RYR2: variants seen among roughly 807,000 people sequenced by gnomAD.
RYR2 encodes cardiac muscle ryanodine receptor-calcium release channel.
RYR2 carries 227 observed loss-of-function variants against 601.1 expected under a neutral mutation model. The observed-to-expected ratio is 0.38, with a 90% CI of 0.34 to 0.42. The LOEUF is 0.42. Ranked by LOEUF, RYR2 falls within the 10% of genes least tolerant of loss-of-function variation. RYR2 has a pLI of 1.00. For missense variants in RYR2, 4,646 were observed against 6,156.5 expected (o/e 0.75, Z 8.21); for synonymous variants, 2,223 against 2,175.1 (o/e 1.02, Z -0.61).
intron 10 of RYR2, among the ~76,000 whole-genome samples, chr1:237,416,294 A>G (rs1704973164): frequency 6.6e-6 from 1 of 152,182 alleles, no homozygotes; most frequent in Non-Finnish European, 1.5e-5. Flanking sequence ...GACCCTATAG[A>G]GAGGAAGACA....
intron 19 of RYR2, 41 bp from the exon 20 acceptor site, chr1:237,496,470 T>A: frequency 6.3e-7 from 1 of 1,597,654 alleles, no homozygotes. Flanking sequence ...ATGAAAGGTT[T>A]TTTTGGACTT....
intron 100 of RYR2, among the ~76,000 whole-genome samples, chr1:237,815,781 G>A (rs1014149803): frequency 4.6e-5 from 7 of 152,082 alleles, no homozygotes; most frequent in African/African-American, 1.4e-4. Flanking sequence ...CATTCTTTTG[G>A]GGACAGACTC....
At chr1:237,580,304 CA>C (rs2148363818) in intron 29 of RYR2, among the ~76,000 whole-genome samples, 1 of 151,726 alleles carries the variant, frequency 6.6e-6, no homozygotes, top group Non-Finnish European at 1.5e-5. Context: ...TACAGGCACA[CA>C]CCACGACGCC....
chr1:237,759,707 G>C, intron 82 of RYR2, 69 bp from the exon 83 acceptor site: 1 of 930,260 alleles, frequency 1.1e-6, no homozygotes. Flanking sequence ...GCCTGTTTTG[G>C]TTGTTTATTT....
chr1:237,818,577 G>A (rs959072126), intron 100 of RYR2, among the ~76,000 whole-genome samples: 1 of 152,028 alleles, frequency 6.6e-6, no homozygotes, highest in Non-Finnish European at 1.5e-5. Flanking sequence ...TATATACTAT[G>A]TGAGGGAAGG....
intron 71 of RYR2, among the ~76,000 whole-genome samples, chr1:237,715,880 TC>T (rs1689227289): frequency 6.6e-6 from 1 of 152,298 alleles, no homozygotes; most frequent in African/African-American, 2.4e-5. Flanking sequence ...AGTTATGTTG[TC>T]CTTTGAACAA....
At chr1:237,520,303 C>T (rs1164369448) in intron 24 of RYR2, among the ~76,000 whole-genome samples, 1 of 152,080 alleles carries the variant, frequency 6.6e-6, no homozygotes, top group African/African-American at 2.4e-5. Context: ...TATTTCTTTC[C>T]ATTGCCTAAT....
At chr1:237,656,115 C>G in intron 53 of RYR2, 131 bp downstream of exon 53, 1 of 660,982 alleles carries the variant, frequency 1.5e-6, no homozygotes, top group East Asian at 3.1e-5. Flanking sequence ...AATAGGGGTC[C>G]CTTTAATTTA....
chr1:237,792,398 CGTGTGTGTGTGTGT>C (rs71162418), intron 94 of RYR2, 75 bp downstream of exon 94: 13 of 489,874 alleles, frequency 2.7e-5, no homozygotes, highest in East Asian at 1.3e-4. Context: ...TGTGTGTGTG[CGTGTGTGTGTGTGT>C]GTGTGTGTGT....
chr1:237,446,157 G>A (rs200589941), intron 14 of RYR2, among the ~76,000 whole-genome samples: 6 of 152,132 alleles, frequency 3.9e-5, no homozygotes, highest in Non-Finnish European at 5.9e-5. Context: ...ATATAGCTGC[G>A]GAGTTTTGAT....
At chr1:237,733,106 G>A (rs1256572125) in intron 78 of RYR2, among the ~76,000 whole-genome samples, 1 of 152,050 alleles carries the variant, frequency 6.6e-6, no homozygotes, top group African/African-American at 2.4e-5. Context: ...CAGGTAATGA[G>A]GTATTTCTCA....
At chr1:237,731,891 T>C (rs371732768) in intron 77 of RYR2, among the ~76,000 whole-genome samples, 155 bp from the exon 78 acceptor site, 26 of 147,298 alleles carry the variant, frequency 1.8e-4, no homozygotes, top group Non-Finnish European at 3.0e-4. Flanking sequence ...GCATATAAAA[T>C]ACACACACAC....
At chr1:237,153,330 A>G (rs1396514524) in intron 1 of RYR2, among the ~76,000 whole-genome samples, 2 of 152,212 alleles carry the variant, frequency 1.3e-5, no homozygotes, top group Non-Finnish European at 2.9e-5. Flanking sequence ...TAGGACAGAT[A>G]AAAGGAACAA....
intron 32 of RYR2, among the ~76,000 whole-genome samples, chr1:237,592,504 G>T (rs541139555): frequency 4.5e-4 from 68 of 151,862 alleles, no homozygotes; most frequent in African/African-American, 1.6e-3. Context: ...GTGGAGGTGG[G>T]CACCTGTAAT....
At chr1:237,637,663 C>T (rs963637366) in intron 44 of RYR2, among the ~76,000 whole-genome samples, 1 of 152,190 alleles carries the variant, frequency 6.6e-6, no homozygotes, top group African/African-American at 2.4e-5. Flanking sequence ...AACAATTTCT[C>T]TTTAAAATAT....
intron 25 of RYR2, among the ~76,000 whole-genome samples, chr1:237,537,044 G>A (rs1276809847): frequency 6.6e-6 from 1 of 152,002 alleles, no homozygotes; most frequent in Non-Finnish European, 1.5e-5. Context: ...ACTAATCAAG[G>A]AAATGTAAAT....
intron 16 of RYR2, among the ~76,000 whole-genome samples, chr1:237,462,675 C>T (rs1486592904): frequency 6.6e-6 from 1 of 152,084 alleles, no homozygotes; most frequent in Non-Finnish European, 1.5e-5. Flanking sequence ...AGCCATTAGC[C>T]ATTATTTCTG....
chr1:237,760,446 G>T (rs2149275110), intron 83 of RYR2, among the ~76,000 whole-genome samples: 1 of 149,218 alleles, frequency 6.7e-6, no homozygotes, highest in African/African-American at 2.5e-5. Flanking sequence ...ACTTGAAAAT[G>T]AGTTGTGTAT....
intron 1 of RYR2, among the ~76,000 whole-genome samples, chr1:237,176,572 A>AT (rs199642778): frequency 1.5e-4 from 23 of 150,966 alleles, no homozygotes; most frequent in South Asian, 4.2e-4. Context: ...TTATTTATTT[A>AT]TTTATTTTTT....
Sources: gnomAD v4.1 joint callset for allele counts (sites outside exome capture counted in the v4.1 genomes callset) on GRCh38, gnomAD v4.1.1 for gene constraint, MANE v1.5 for transcripts, NCBI Gene and HGNC (gene_info 2026-07-23, HGNC 2026-07-21) for gene names.